Variants in ASAH1 observed in about 807,000 individuals in gnomAD.
The protein encoded by ASAH1 is acid ceramidase.
A neutral mutation model predicts 59.5 loss-of-function variants in ASAH1; 70 were observed. That is an observed-to-expected ratio of 1.18 (90% CI 0.97 to 1.43). The LOEUF (loss-of-function observed/expected upper bound fraction) is 1.43. Among genes scored for constraint, ASAH1 ranks in the 40% most tolerant of loss-of-function variants. ASAH1 has a pLI of 0.00. For missense variants in ASAH1, 660 were observed against 482.5 expected (o/e 1.37, Z -3.45); for synonymous variants, 213 against 166.5 (o/e 1.28, Z -2.15).
intron 5 of ASAH1, chr8:18,066,026 C>CTGAAT (rs1408180874): frequency 3.3e-5 from 5 of 151,918 alleles, no homozygotes; most frequent in African/African-American, 1.2e-4. Context: ...TGAGAAAAAC[C>CTGAAT]TGAAGCTTGA....
chr8:18,078,670 G>C (rs1010473426), intron 1 of ASAH1, among the ~76,000 whole-genome samples: 1 of 152,104 alleles, frequency 6.6e-6, no homozygotes, highest in Non-Finnish European at 1.5e-5. Context: ...GTTATTTAAA[G>C]TTCCTTACTA....
At chr8:18,062,985 T>G (rs1799771346) in intron 7 of ASAH1, 200 bp downstream of exon 7, 1 of 522,740 alleles carries the variant, frequency 1.9e-6, no homozygotes, top group African/African-American at 2.0e-5. Context: ...AGTCTCTGCC[T>G]CAGGCTCCCA....
intron 10 of ASAH1, chr8:18,060,952 C>T (rs922030650): frequency 2.3e-5 from 4 of 171,570 alleles, no homozygotes; most frequent in Non-Finnish European, 3.8e-5. Context: ...GGGGTTTCGC[C>T]ATGTTGCTCA....
intron 4 of ASAH1, among the ~76,000 whole-genome samples, chr8:18,068,950 G>A (rs924202355): frequency 6.6e-6 from 1 of 152,036 alleles, no homozygotes; most frequent in Non-Finnish European, 1.5e-5. Flanking sequence ...GACCAGCCTG[G>A]GTGACACAGC....
chr8:18,083,995 G>A lies in ASAH1; in HGVS notation c.64C>T (p.Gln22Ter), dbSNP rs756041561. 1.1e-5 allele frequency: 18 copies of A among 1,598,020 alleles called. No homozygotes were observed. Among genetic ancestry groups the A allele is most frequent in the Non-Finnish European group, 1.3e-5 (15 of 1,179,430 alleles). Residue 22 changes from glutamine (Q) to a stop codon, truncating the protein, a stop_gained, in exon 1 of 14, where the codon CAG becomes TAG. Transcript: ENST00000637790. LOFTEE classifies it high-confidence loss of function. ...AGCTCACTCACCGGCGGCGCGTGCT[G>A]CGCGACGGCACAGCTGACGGCGGCA... is the stretch of plus-strand genomic sequence containing the variant. ...LAAAVSCAVAQHAPPWTEDCR... is the reference protein window; with the variant it reads ...LAAAVSCAVA
intron 2 of ASAH1, among the ~76,000 whole-genome samples, chr8:18,072,415 T>C (rs1263635197): frequency 3.3e-5 from 5 of 152,238 alleles, no homozygotes; most frequent in Non-Finnish European, 4.4e-5. Context: ...TACTTGGTTC[T>C]CTAAATAATG....
At chr8:18,063,326 C>CTCTGTCTCAAA in intron 6 of ASAH1, 96 bp from the exon 7 acceptor site, 2 of 1,217,920 alleles carry the variant, frequency 1.6e-6, no homozygotes, top group Non-Finnish European at 2.4e-6. Flanking sequence ...ATTTTTGAGA[C>CTCTGTCTCAAA]AGAGTCTCGT....
At chr8:18,072,625 T>C (rs1235781312) in intron 2 of ASAH1, among the ~76,000 whole-genome samples, 1 of 152,224 alleles carries the variant, frequency 6.6e-6, no homozygotes, top group Non-Finnish European at 1.5e-5. Context: ...CTACATGAAA[T>C]GCTACAATAC....
At chr8:18,077,665 A>G (rs1800468149) in intron 1 of ASAH1, among the ~76,000 whole-genome samples, 1 of 152,206 alleles carries the variant, frequency 6.6e-6, no homozygotes, top group Non-Finnish European at 1.5e-5. Context: ...ATGACATGTA[A>G]AATAATTTCA....
At position 18,069,303 on chromosome 8, in the gene ASAH1, C is replaced by T. The variant is rs1588989241; in HGVS notation, c.303+489G>A. 2.6e-5 allele frequency among the ~76,000 whole-genome samples: 4 copies of T among 152,056 alleles called. No individual in the cohort carries two copies. The South Asian group carries it at 8.3e-4, about 31-fold the overall frequency. On this transcript the variant is annotated intron_variant, in intron 4 of 13. Transcript: ENST00000637790. Reference sequence around the variant, plus strand: ...AACGGGGCTGAGAAATGGAGTCTTCCTGCATGATGAGGATGAAAATGAAAT... The same window carrying T: ...AACGGGGCTGAGAAATGGAGTCTTCTTGCATGATGAGGATGAAAATGAAAT...
rs4921834 is a variant in ASAH1, at chr8:18,069,785, C to T, written c.303+7G>A. On this transcript the variant is annotated splice_region_variant and intron_variant, in intron 4 of 13. Transcript: ENST00000637790. ...TAACATTTATTGTGAGAAATAATAT[C>T]TCTTACCAATTTTTCATCCACCACC... is the stretch of plus-strand genomic sequence containing the variant. 704,630 of 1,510,636 alleles carry T rather than the reference C, an allele frequency of 0.47. 169,448 individuals carry two copies. The highest frequency in any genetic ancestry group is 0.61 in the Admixed American group (36,190 of 59,302). 93.6% of individuals were successfully genotyped at this position (1,510,636 alleles called of 1,614,324 possible). A position where few individuals can be genotyped will look rare whatever the true frequency, so the allele number is the denominator to read the frequency against.
At chr8:18,077,602 TG>T (rs1452074342) in intron 1 of ASAH1, among the ~76,000 whole-genome samples, 22 of 152,228 alleles carry the variant, frequency 1.4e-4, no homozygotes, top group Non-Finnish European at 1.0e-4. Context: ...TCACATGCTT[TG>T]TTCTTTAATT....
intron 1 of ASAH1, among the ~76,000 whole-genome samples, chr8:18,081,822 T>A (rs375186744): frequency 1.8e-4 from 28 of 152,324 alleles, no homozygotes; most frequent in African/African-American, 5.8e-4. Context: ...AAACTGCTTA[T>A]TCTTCTCAGA....
At chr8:18,067,847 G>T (rs1007440962) in intron 4 of ASAH1, 5 of 152,220 alleles carry the variant, frequency 3.3e-5, no homozygotes, top group African/African-American at 1.2e-4. Context: ...AGCAAATTCA[G>T]TGGTGGACAT....
intron 2 of ASAH1, among the ~76,000 whole-genome samples, chr8:18,073,739 C>A (rs774060221): frequency 1.3e-5 from 2 of 152,198 alleles, no homozygotes; most frequent in African/African-American, 2.4e-5. Context: ...AGGAACAGAA[C>A]GTCTGTTTGT....
At position 18,067,274 on chromosome 8, in the gene ASAH1, C is replaced by T. The variant is rs201057857; in HGVS notation, c.328G>A (p.Gly110Ser). 172 of 1,601,100 alleles carry T rather than the reference C, an allele frequency of 1.1e-4. No individual in the cohort carries two copies. In the Admixed American group the frequency reaches 2.9e-3, roughly 27 times the overall value. Residue 110 changes from glycine to serine, a missense_variant, in exon 5 of 14, where the codon GGC becomes AGC. Physicochemically the swap from Gly to Ser is moderately conservative, Grantham distance 56. Coordinates refer to ENST00000637790, the MANE Select transcript of ASAH1 (RefSeq NM_177924.5). ...CCCTTCATTTCCTCTTCAAAAGGGC[C>T]AGGAAAGTTGCCAAGTAGGCCAGGC... is the stretch of plus-strand genomic sequence containing the variant. ...KLPGLLGNFP[G>S]PFEEEMKGIA... is the part of the protein sequence containing the mutation.
chr8:18,084,422 G>A, upstream of ASAH1: 1 of 1,382,188 alleles, frequency 7.2e-7, no homozygotes, highest in Non-Finnish European at 9.4e-7. Context: ...GCGCCTCGAT[G>A]GGGCGCCTCT....
chr8:18,063,286 G>A, intron 6 of ASAH1, 56 bp from the exon 7 acceptor site: 2 of 1,460,738 alleles, frequency 1.4e-6, no homozygotes, highest in Non-Finnish European at 9.6e-7. Flanking sequence ...CTAAATCAAA[G>A]CTGGACAATT....
At position 18,057,521 on chromosome 8, in the gene ASAH1, G is replaced by C. The variant is rs756453402; in HGVS notation, c.*13C>G. On this transcript the variant is annotated 3_prime_UTR_variant, in exon 14 of 14. Transcript: ENST00000637790. Reference sequence around the variant, plus strand: ...ATGTCTCAGAGGCCGCATTCTGTAGGCCAGACGTGTGCTCACCAACCTATA... The same window carrying C: ...ATGTCTCAGAGGCCGCATTCTGTAGCCCAGACGTGTGCTCACCAACCTATA... 6 of 1,584,286 alleles carry C rather than the reference G, an allele frequency of 3.8e-6. No homozygotes were observed. In the East Asian group the frequency reaches 1.4e-4, roughly 36 times the overall value.
Sources: gnomAD v4.1 joint callset for allele counts (sites outside exome capture counted in the v4.1 genomes callset) on GRCh38, gnomAD v4.1.1 for gene constraint, MANE v1.5 for transcripts, NCBI Gene and HGNC (gene_info 2026-07-23, HGNC 2026-07-21) for gene names.